Variants in OR7C1 observed in about 807,000 individuals in gnomAD.
OR7C1 encodes olfactory receptor 7C1.
For missense variants in OR7C1, 324 were observed against 383.3 expected, an observed-to-expected ratio of 0.85 and a Z score of 1.29; for synonymous variants, 152 against 160.7, an observed-to-expected ratio of 0.95 and a Z score of 0.41.
chr19:14,822,079 C>G (rs2145069486), intron 1 of OR7C1, among the ~76,000 whole-genome samples: 1 of 152,296 alleles, frequency 6.6e-6, no homozygotes, highest in South Asian at 2.1e-4. Context: ...TGGATATGCA[C>G]CACGTATTCT....
chr19:14,815,784 C>CGTGTGTGT lies in OR7C1; in HGVS notation c.-622-5799_-622-5792dup, dbSNP rs34655691. ...GTTTCCTTGAGTCTCTGAGTTTGTGCGTGTGTGTGTGTGTGTGTGTGTGTG... is the reference window on the plus strand; with the variant it reads ...GTTTCCTTGAGTCTCTGAGTTTGTGCGTGTGTGTGTGTGTGTGTGTGTGTGTGTGTGTG... On this transcript the variant is annotated intron_variant, in intron 1 of 4. Transcript: ENST00000641666. Among the ~76,000 whole-genome samples the CGTGTGTGT allele has an allele frequency of 9.3e-4, 137 of 146,720 alleles. 1 individual carries two copies. Among genetic ancestry groups the CGTGTGTGT allele is most frequent in the Middle Eastern group, 3.4e-3 (1 of 290 alleles).
At chr19:14,826,468 T>A (rs2044768691) in intron 1 of OR7C1, 2 of 152,132 alleles carry the variant, frequency 1.3e-5, no homozygotes, top group Non-Finnish European at 2.9e-5. Context: ...GCATGAAACA[T>A]TATAGACCAT....
At chr19:14,834,037 A>C (rs543550385) in intron 1 of OR7C1, among the ~76,000 whole-genome samples, 43 of 125,236 alleles carry the variant, frequency 3.4e-4, no homozygotes, top group Admixed American at 1.6e-4. Context: ...AGGCAAGTAA[A>C]TTGCTTGAGC....
chr19:14,804,370 A>G (rs1280714823), intron 2 of OR7C1, among the ~76,000 whole-genome samples: 1 of 152,222 alleles, frequency 6.6e-6, no homozygotes, highest in Non-Finnish European at 1.5e-5. Flanking sequence ...TCTTTATAAA[A>G]TTAGAAGACT....
intron 2 of OR7C1, among the ~76,000 whole-genome samples, chr19:14,802,608 T>C (rs531820268): frequency 2.6e-5 from 4 of 152,304 alleles, no homozygotes; most frequent in African/African-American, 9.6e-5. Context: ...TTGAAACCTC[T>C]CTCAAAGGAG....
At chr19:14,799,696 C>T in exon 5 of OR7C1, 1 of 1,614,026 alleles carries the variant, frequency 6.2e-7, no homozygotes, top group South Asian at 1.1e-5. Context: ...TGCACCAGGA[C>T]CCCAGAACCA....
At chr19:14,815,123 C>T (rs1320392894) in intron 1 of OR7C1, among the ~76,000 whole-genome samples, 2 of 152,170 alleles carry the variant, frequency 1.3e-5, no homozygotes, top group Non-Finnish European at 2.9e-5. Context: ...TAACTGACCC[C>T]CAGCCCCTAT....
At chr19:14,835,140 G>T (rs2044872369) in exon 1 of OR7C1, 1 of 147,864 alleles carries the variant, frequency 6.8e-6, no homozygotes, top group South Asian at 2.2e-4. Context: ...ATGATTGATG[G>T]TGGAGACTGA....
intron 1 of OR7C1, among the ~76,000 whole-genome samples, chr19:14,823,056 G>T (rs1324311548): frequency 6.6e-6 from 1 of 152,072 alleles, no homozygotes; most frequent in Non-Finnish European, 1.5e-5. Flanking sequence ...CCTGTGTTTT[G>T]AGGGGTATAT....
intron 2 of OR7C1, among the ~76,000 whole-genome samples, chr19:14,801,921 A>G (rs1046334056): frequency 6.6e-5 from 10 of 152,200 alleles, no homozygotes; most frequent in African/African-American, 1.7e-4. Flanking sequence ...CTGTGATCCA[A>G]TCACCTCCCA....
chr19:14,810,779 A>G (rs2044687703), intron 1 of OR7C1, among the ~76,000 whole-genome samples: 1 of 151,892 alleles, frequency 6.6e-6, no homozygotes, highest in African/African-American at 2.4e-5. Flanking sequence ...TTCCCTTGGT[A>G]GAGAGTAAAA....
chr19:14,800,686 G>A (rs1313038110), exon 3 of OR7C1: 1 of 152,302 alleles, frequency 6.6e-6, no homozygotes, highest in Non-Finnish European at 1.5e-5. Flanking sequence ...CAGGAACTAA[G>A]GACTAGAAGT....
chr19:14,801,335 C>A (rs940186836), intron 2 of OR7C1, among the ~76,000 whole-genome samples: 10 of 152,092 alleles, frequency 6.6e-5, no homozygotes, highest in African/African-American at 1.4e-4. Flanking sequence ...TTTTTCAGTG[C>A]AAACATCTGA....
At chr19:14,815,760 T>C (rs1324625358) in intron 1 of OR7C1, among the ~76,000 whole-genome samples, 1 of 151,272 alleles carries the variant, frequency 6.6e-6, no homozygotes, top group African/African-American at 2.4e-5. Context: ...ATCAAGAGAG[T>C]TTCCTTGAGT....
At chr19:14,800,196 C>A in intron 4 of OR7C1, 47 bp from the exon 5 acceptor site, 1 of 1,466,394 alleles carries the variant, frequency 6.8e-7, no homozygotes, top group Non-Finnish European at 9.1e-7. Context: ...AACACACTGG[C>A]AACATGGAAA....
exon 5 of OR7C1, chr19:14,799,252 C>G (rs147900560): frequency 2.0e-5 from 32 of 1,613,970 alleles, no homozygotes; most frequent in Non-Finnish European, 2.2e-5. Flanking sequence ...TCTTCATGTC[C>G]GTGTTCCTCA....
chr19:14,814,412 A>G (rs8103971), intron 1 of OR7C1, among the ~76,000 whole-genome samples: 38,694 of 150,922 alleles, frequency 0.26, 5,132 homozygotes, highest in Non-Finnish European at 0.29. Context: ...AATATGGAAA[A>G]TGCTCCTTTA....
chr19:14,828,166 AG>A, intron 1 of OR7C1: 1 of 1,614,138 alleles, frequency 6.2e-7, no homozygotes, highest in Non-Finnish European at 8.5e-7. Flanking sequence ...CCAAAGAGGA[AG>A]GGTTGCAGTC....
At chr19:14,827,089 A>G (rs1201519104) in intron 1 of OR7C1, 1 of 472,682 alleles carries the variant, frequency 2.1e-6, no homozygotes, top group Non-Finnish European at 3.5e-6. Context: ...AACAACAAAG[A>G]GAAAAAACTG....
Sources: gnomAD v4.1 joint callset for allele counts (sites outside exome capture counted in the v4.1 genomes callset) on GRCh38, gnomAD v4.1.1 for gene constraint, MANE v1.5 for transcripts, NCBI Gene and HGNC (gene_info 2026-07-23, HGNC 2026-07-21) for gene names.